CALD1: variants seen among roughly 807,000 people sequenced by gnomAD.
The protein encoded by CALD1 is caldesmon 1.
In CALD1, 33 loss-of-function variants were observed where a neutral mutation model predicts 99.9. The ratio of observed to expected loss-of-function variants is 0.33; its 90% CI spans 0.25 to 0.44. The LOEUF (loss-of-function observed/expected upper bound fraction) is 0.44, where lower values mean the gene tolerates loss of function less well. Among genes scored for constraint, CALD1 ranks in the 20% least tolerant of loss-of-function variants. The pLI is 1.00. For missense variants in CALD1, 861 were observed against 962.1 expected, an observed-to-expected ratio of 0.89 and a Z score of 1.39; for synonymous variants, 310 against 325.0, an observed-to-expected ratio of 0.95 and a Z score of 0.50.
chr7:134,907,837 G>T (rs11536603), intron 3 of CALD1, among the ~76,000 whole-genome samples: 3 of 151,826 alleles, frequency 2.0e-5, no homozygotes, highest in Non-Finnish European at 4.4e-5. Flanking sequence ...CCTTCTGGCC[G>T]CTGCCAGTGT....
rs1176176358 is a variant in CALD1, at chr7:134,968,517, T to C, written c.*172T>C. ...ATCACTATATTTAATAATCACAGTC[T>C]AGAGATGTTCATGGTAAAAGTACTG... On this transcript the variant is annotated 3_prime_UTR_variant, in exon 15 of 15. Transcript: ENST00000361675. The C allele has an allele frequency of 1.4e-6, 1 of 724,998 alleles. No individual in the cohort carries two copies. The highest frequency in any genetic ancestry group is 2.5e-6 in the Non-Finnish European group (1 of 395,102). 44.9% of individuals were successfully genotyped at this position (724,998 alleles called of 1,614,324 possible).
At chr7:134,938,609 C>T (rs971775472) in intron 6 of CALD1, among the ~76,000 whole-genome samples, 1 of 152,042 alleles carries the variant, frequency 6.6e-6, no homozygotes, top group Non-Finnish European at 1.5e-5. Flanking sequence ...GCTCAGAATC[C>T]CATGAGTTTG....
At chr7:134,885,269 T>G (rs1368441076) in intron 3 of CALD1, among the ~76,000 whole-genome samples, 1 of 152,182 alleles carries the variant, frequency 6.6e-6, no homozygotes, top group African/African-American at 2.4e-5. Flanking sequence ...CATAATCAAG[T>G]GCTGATCCCA....
rs1554468156 is a variant in CALD1, at chr7:134,929,621, CGT to C, written c.218+746_218+747del. On this transcript the variant is annotated intron_variant, in intron 4 of 14. Transcript: ENST00000361675. ...GTATTCCATGGTGTGTGTATATATA[CGT>C]GTGTGTGTGTGTGTGTGTGTGTGTA... is the stretch of plus-strand genomic sequence containing the variant. Among the ~76,000 whole-genome samples the C allele has an allele frequency of 7.1e-4, 3 of 4,252 alleles. 1 individual carries two copies. The highest frequency in any genetic ancestry group is 2.2e-3 in the Admixed American group (1 of 458). The allele number at this position is 4,252 out of a possible 152,430, so 2.8% of individuals were successfully genotyped here.
chr7:134,911,263 C>T (rs1008521470), intron 3 of CALD1, among the ~76,000 whole-genome samples: 4 of 144,770 alleles, frequency 2.8e-5, no homozygotes, highest in Non-Finnish European at 5.9e-5. Context: ...GGTCAGAAAG[C>T]GAGCCCTGCA....
At chr7:134,801,366 T>C (rs1406981948) in intron 1 of CALD1, among the ~76,000 whole-genome samples, 1 of 152,162 alleles carries the variant, frequency 6.6e-6, no homozygotes, top group Admixed American at 6.5e-5. Context: ...AATCTACCAA[T>C]ATATTTTGTT....
At chr7:134,943,634 GA>G (rs1201087499) in intron 7 of CALD1, among the ~76,000 whole-genome samples, 2 of 151,668 alleles carry the variant, frequency 1.3e-5, no homozygotes, top group African/African-American at 4.8e-5. Context: ...TCCGATTATA[GA>G]AAAAAATACT....
At chr7:134,739,085 C>T in the CALD1 span, among the ~76,000 whole-genome samples, 1 of 152,164 alleles carries the variant, frequency 6.6e-6, no homozygotes, top group Non-Finnish European at 1.5e-5. Flanking sequence ...ACATTGGTGA[C>T]TGGACTTCAA....
At chr7:134,851,369 G>A (rs977149953) in intron 2 of CALD1, among the ~76,000 whole-genome samples, 9 of 152,142 alleles carry the variant, frequency 5.9e-5, no homozygotes, top group Non-Finnish European at 8.8e-5. Context: ...ACTCCCTGAT[G>A]CTCTACCTGC....
chr7:134,859,158 G>A (rs1188907138), intron 2 of CALD1, among the ~76,000 whole-genome samples: 1 of 152,196 alleles, frequency 6.6e-6, no homozygotes, highest in Non-Finnish European at 1.5e-5. Flanking sequence ...CTTTTTCAGG[G>A]ATAGGGGTCT....
chr7:134,750,410 T>A (rs1176113274), intron 1 of CALD1, among the ~76,000 whole-genome samples: 3 of 152,194 alleles, frequency 2.0e-5, no homozygotes, highest in Non-Finnish European at 2.9e-5. Flanking sequence ...ACGTTCTGCT[T>A]ATAGCGTCCC....
intron 9 of CALD1, among the ~76,000 whole-genome samples, chr7:134,957,387 T>C (rs1807857391): frequency 6.6e-6 from 1 of 151,890 alleles, no homozygotes; most frequent in Admixed American, 6.6e-5. Flanking sequence ...ACAGTGTGTG[T>C]TTTTGAAAAA....
At chr7:134,891,279 A>G in intron 3 of CALD1, 11 of 688,488 alleles carry the variant, frequency 1.6e-5, no homozygotes, top group Non-Finnish European at 2.1e-5. Context: ...CTACCCAGCA[A>G]TAACATTTCT....
chr7:134,933,095 A>T lies in CALD1; in HGVS notation c.326A>T (p.Lys109Ile), dbSNP rs1446531415. Residue 109 changes from lysine to isoleucine, a missense_variant, in exon 5 of 15, where the codon AAA (lysine) becomes ATA (isoleucine). Physicochemically the swap from Lys to Ile is moderately radical, Grantham distance 102. Transcript: ENST00000361675. Reference sequence around the variant, plus strand: ...GCTCGGCGTGAGGAAAGACGCCAAAAACGCCTTCAGGAGGCTCTGGAGCGG... The same window carrying T: ...GCTCGGCGTGAGGAAAGACGCCAAATACGCCTTCAGGAGGCTCTGGAGCGG... ...RLARREERRQ[K>I]RLQEALERQK... 1.2e-6 allele frequency: 2 copies of T among 1,614,054 alleles called. No individual in the cohort carries two copies. The highest frequency in any genetic ancestry group is 8.5e-7 in the Non-Finnish European group (1 of 1,180,004).
intron 14 of CALD1, among the ~76,000 whole-genome samples, chr7:134,967,511 T>C (rs909138728): frequency 1.3e-5 from 2 of 152,090 alleles, no homozygotes; most frequent in Non-Finnish European, 1.5e-5. Flanking sequence ...AATAGGACTA[T>C]AGGTCAGATA....
chr7:134,783,685 C>G lies in CALD1; in HGVS notation c.-130+3936C>G, dbSNP rs1050120359. ...GATAAAAACTGTGAACCCTTAAGGT[C>G]CCTTTGTAAACCCACGCTTCATGAT... On this transcript the variant is annotated intron_variant, in intron 1 of 14. Coordinates refer to ENST00000361675, the MANE Select transcript of CALD1 (RefSeq NM_033138.4). The surrounding 1 kb of genome is among the most constrained non-coding windows in gnomAD (Gnocchi z 4.3). Among the ~76,000 whole-genome samples the G allele has an allele frequency of 1.7e-4, 26 of 152,086 alleles. No homozygotes were observed. The highest frequency in any genetic ancestry group is 5.8e-4 in the African/African-American group (24 of 41,398).
chr7:134,744,310 T>G (rs1201346806), exon 1 of CALD1: 1 of 152,218 alleles, frequency 6.6e-6, no homozygotes, highest in Non-Finnish European at 1.5e-5. Context: ...GAGGCAAGAC[T>G]GGGTCTACCT....
intron 1 of CALD1, among the ~76,000 whole-genome samples, chr7:134,759,102 C>T (rs947123136): frequency 2.6e-5 from 4 of 152,208 alleles, no homozygotes; most frequent in African/African-American, 9.7e-5. Context: ...CCCCAAAATG[C>T]ATGACCATCA....
chr7:134,720,086 C>T, the CALD1 span, among the ~76,000 whole-genome samples: 2 of 151,886 alleles, frequency 1.3e-5, no homozygotes, highest in African/African-American at 2.4e-5. Flanking sequence ...TTGTAAACTT[C>T]ACCCACTGTA....
Sources: gnomAD v4.1 joint callset for allele counts (sites outside exome capture counted in the v4.1 genomes callset) on GRCh38, gnomAD v4.1.1 for gene constraint, Gnocchi (gnomAD v3.1) non-coding constraint, MANE v1.5 for transcripts, NCBI Gene and HGNC (gene_info 2026-07-23, HGNC 2026-07-21) for gene names.